IGFBP7: variants seen among roughly 807,000 people sequenced by gnomAD.
IGFBP7 encodes the protein insulin-like growth factor-binding protein 7.
IGFBP7 carries 31 observed loss-of-function variants against 29.4 expected under a neutral mutation model. That is an observed-to-expected ratio of 1.05 (90% CI 0.79 to 1.42). The LOEUF (loss-of-function observed/expected upper bound fraction) is 1.42. Among genes scored for constraint, IGFBP7 ranks in the 40% most tolerant of loss-of-function variants. The probability of loss-of-function intolerance (pLI) is 0.00; values close to 1 mark genes in which losing one functional copy is unlikely to be tolerated. For missense variants in IGFBP7, 393 were observed against 395.5 expected (o/e 0.99, Z 0.05); for synonymous variants, 172 against 174.9 (o/e 0.98, Z 0.13).
chr4:57,034,070 A>G (rs1359671699), intron 2 of IGFBP7, among the ~76,000 whole-genome samples: 1 of 149,482 alleles, frequency 6.7e-6, no homozygotes, highest in Non-Finnish European at 1.5e-5. Flanking sequence ...AAAAAAAAAC[A>G]GCTGTCAAAT....
intron 1 of IGFBP7, among the ~76,000 whole-genome samples, chr4:57,068,053 AG>A (rs1724962053): frequency 6.6e-6 from 1 of 152,088 alleles, no homozygotes; most frequent in Admixed American, 6.5e-5. Flanking sequence ...TTAGGCTGGG[AG>A]TGGTGGCTCA....
intron 1 of IGFBP7, among the ~76,000 whole-genome samples, chr4:57,043,502 C>A (rs1410420867): frequency 6.6e-6 from 1 of 152,134 alleles, no homozygotes; most frequent in East Asian, 1.9e-4. Context: ...CTATTTCCAG[C>A]ACAATATTAA....
chr4:57,069,972 T>C (rs1725016862), intron 1 of IGFBP7, among the ~76,000 whole-genome samples: 1 of 152,044 alleles, frequency 6.6e-6, no homozygotes, highest in Non-Finnish European at 1.5e-5. Context: ...TCCCAGCTAC[T>C]CGGGAGGCTG....
intron 1 of IGFBP7, among the ~76,000 whole-genome samples, chr4:57,086,629 A>G (rs1725503814): frequency 6.6e-6 from 1 of 152,110 alleles, no homozygotes; most frequent in African/African-American, 2.4e-5. Context: ...TTTGTGGTAA[A>G]TGTTTTCCAT....
At chr4:57,086,890 C>T (rs1028088403) in intron 1 of IGFBP7, among the ~76,000 whole-genome samples, 4 of 152,110 alleles carry the variant, frequency 2.6e-5, no homozygotes, top group East Asian at 1.9e-4. Flanking sequence ...CATACCACCA[C>T]GCTCAGCTAA....
chr4:57,044,902 G>C (rs1251753764), intron 1 of IGFBP7, among the ~76,000 whole-genome samples: 3 of 152,166 alleles, frequency 2.0e-5, no homozygotes, highest in African/African-American at 7.2e-5. Flanking sequence ...TAGAGACAGA[G>C]TCTTGCTATG....
At chr4:57,085,457 T>C (rs1481000119) in intron 1 of IGFBP7, among the ~76,000 whole-genome samples, 1 of 152,184 alleles carries the variant, frequency 6.6e-6, no homozygotes, top group Non-Finnish European at 1.5e-5. Context: ...TTTCTTTTGG[T>C]TTCATTTCTG....
Position 57,079,435 on chromosome 4 carries a change from T to C in IGFBP7, c.475+30442A>G, listed in dbSNP as rs114542876. Among the ~76,000 whole-genome samples the C allele has an allele frequency of 4.6e-3, 704 of 152,292 alleles. 8 individuals carry two copies. The highest frequency in any genetic ancestry group is 0.015 in the African/African-American group (619 of 41,570). Reference sequence around the variant, plus strand: ...AAAAAAGAGCAGAGCCTTGCTTATCTCTGTGTTACACATTAACACGGTCCT... The same window carrying C: ...AAAAAAGAGCAGAGCCTTGCTTATCCCTGTGTTACACATTAACACGGTCCT... On this transcript the variant is annotated intron_variant, in intron 1 of 4. Transcript: ENST00000295666.
At chr4:57,100,803 G>C (rs1265947845) in intron 1 of IGFBP7, among the ~76,000 whole-genome samples, 5 of 152,198 alleles carry the variant, frequency 3.3e-5, no homozygotes, top group Admixed American at 3.3e-4. Context: ...AATGTTGCTG[G>C]TCTACATACC....
chr4:57,049,927 C>T (rs948680413), intron 1 of IGFBP7, among the ~76,000 whole-genome samples: 2 of 152,170 alleles, frequency 1.3e-5, no homozygotes, highest in African/African-American at 2.4e-5. Context: ...TGGCCAAAAG[C>T]GTACACCTCA....
chr4:57,078,994 G>A (rs1410128314), intron 1 of IGFBP7, among the ~76,000 whole-genome samples: 1 of 152,200 alleles, frequency 6.6e-6, no homozygotes, highest in East Asian at 1.9e-4. Flanking sequence ...TCCTGCTGCG[G>A]TGGCTTGTTT....
At chr4:57,052,986 A>C (rs1303782254) in intron 1 of IGFBP7, among the ~76,000 whole-genome samples, 1 of 151,918 alleles carries the variant, frequency 6.6e-6, no homozygotes, top group African/African-American at 2.4e-5. Flanking sequence ...GCTTGCAAAC[A>C]AATCTCTTAT....
At chr4:57,080,669 A>T (rs1002589105) in intron 1 of IGFBP7, among the ~76,000 whole-genome samples, 4 of 152,138 alleles carry the variant, frequency 2.6e-5, no homozygotes, top group African/African-American at 7.2e-5. Flanking sequence ...CTGGGACTAC[A>T]GATGTGCACC....
intron 1 of IGFBP7, among the ~76,000 whole-genome samples, chr4:57,059,827 C>T (rs1358475879): frequency 2.0e-5 from 3 of 152,178 alleles, no homozygotes; most frequent in African/African-American, 4.8e-5. Flanking sequence ...ATATCTATCC[C>T]TATATCTAGA....
At chr4:57,079,095 G>A (rs1725299588) in intron 1 of IGFBP7, among the ~76,000 whole-genome samples, 2 of 152,138 alleles carry the variant, frequency 1.3e-5, no homozygotes, top group African/African-American at 4.8e-5. Context: ...TGCAAGTGAG[G>A]ATCATTTATT....
chr4:57,050,725 T>G (rs1455530712), intron 1 of IGFBP7, among the ~76,000 whole-genome samples: 1 of 150,344 alleles, frequency 6.7e-6, no homozygotes, highest in Admixed American at 6.6e-5. Flanking sequence ...AAAAAGAATT[T>G]TTTTTTTTTT....
intron 1 of IGFBP7, among the ~76,000 whole-genome samples, chr4:57,070,670 T>A (rs36027930): frequency 0.09 from 13,630 of 152,216 alleles, 800 homozygotes; most frequent in African/African-American, 0.17. Flanking sequence ...GAACCATAAC[T>A]GTTCTCAAAT....
intron 1 of IGFBP7, among the ~76,000 whole-genome samples, chr4:57,048,294 C>A (rs1359616761): frequency 6.6e-6 from 1 of 152,168 alleles, no homozygotes; most frequent in East Asian, 1.9e-4. Flanking sequence ...CGTGATCCAC[C>A]TGCCTCGGCC....
intron 1 of IGFBP7, among the ~76,000 whole-genome samples, chr4:57,081,057 A>G (rs577660085): frequency 7.9e-5 from 12 of 152,086 alleles, no homozygotes; most frequent in Non-Finnish European, 1.6e-4. Flanking sequence ...GTCAACACCC[A>G]TTTCCTCTAT....
Sources: allele counts gnomAD v4.1 joint callset (sites outside exome capture counted in the v4.1 genomes callset), GRCh38; gene constraint gnomAD v4.1.1; transcripts MANE v1.5; gene names NCBI Gene and HGNC (gene_info 2026-07-23, HGNC 2026-07-21).